SORCS2: variants seen among roughly 807,000 people sequenced by gnomAD.
SORCS2 encodes the protein VPS10 domain-containing receptor SorCS2.
A neutral mutation model predicts 141.6 loss-of-function variants in SORCS2; 100 were observed. That is an observed-to-expected ratio of 0.71 (90% CI 0.60 to 0.83). The LOEUF (loss-of-function observed/expected upper bound fraction) is 0.83. Ranked by LOEUF, SORCS2 falls within the 40% of genes least tolerant of loss-of-function variation. SORCS2 has a pLI of 0.00. For missense variants in SORCS2, 1,646 were observed against 1,560.2 expected, an observed-to-expected ratio of 1.05 and a Z score of -0.93; for synonymous variants, 789 against 676.9, an observed-to-expected ratio of 1.17 and a Z score of -2.57.
intron 1 of SORCS2, among the ~76,000 whole-genome samples, chr4:7,238,916 C>T (rs759655497): frequency 6.6e-6 from 1 of 152,208 alleles, no homozygotes; most frequent in South Asian, 2.1e-4. Flanking sequence ...CCCCCATCAC[C>T]CCTGTGCCCT....
chr4:7,332,212 G>T (rs1013234253), intron 1 of SORCS2, among the ~76,000 whole-genome samples: 1 of 152,230 alleles, frequency 6.6e-6, no homozygotes, highest in Non-Finnish European at 1.5e-5. Flanking sequence ...GATGTGGGGG[G>T]CTCTCAGCCA....
At chr4:7,486,095 C>T (rs774261604) in intron 2 of SORCS2, among the ~76,000 whole-genome samples, 21 of 152,184 alleles carry the variant, frequency 1.4e-4, no homozygotes, top group Non-Finnish European at 2.1e-4. Context: ...CAGACTGAAG[C>T]GTCCCTTTGT....
chr4:7,688,409 G>GA (rs766180974), intron 10 of SORCS2, among the ~76,000 whole-genome samples: 163 of 152,260 alleles, frequency 1.1e-3, no homozygotes, highest in Non-Finnish European at 1.9e-3. Flanking sequence ...ATTTTTAACA[G>GA]AAAAAAGTAA....
In SORCS2 at chr4:7,692,358, G is replaced by A. The variant is rs979158027; in HGVS notation, c.1591+2770G>A. Among the ~76,000 whole-genome samples, 8 of 152,324 alleles carry A rather than the reference G, an allele frequency of 5.3e-5. No individual in the cohort carries two copies. In the South Asian group the frequency reaches 1.4e-3, roughly 28 times the overall value. ...ATCCCAGAGGCAGGCAGACAAGAGG[G>A]AAAAGCCCCAGGCTCTATGCCTCCC... On this transcript the variant is annotated intron_variant, in intron 11 of 26. Transcript: ENST00000507866.
At chr4:7,685,384 C>A (rs1367899859) in intron 10 of SORCS2, among the ~76,000 whole-genome samples, 2 of 152,120 alleles carry the variant, frequency 1.3e-5, no homozygotes, top group African/African-American at 4.8e-5. Context: ...CAAATTACAG[C>A]CTCACGGGCT....
At chr4:7,347,891 G>A (rs985187941) in intron 1 of SORCS2, among the ~76,000 whole-genome samples, 3 of 152,212 alleles carry the variant, frequency 2.0e-5, no homozygotes, top group Non-Finnish European at 2.9e-5. Flanking sequence ...TACACATGAT[G>A]TAAATTTCAA....
intron 3 of SORCS2, among the ~76,000 whole-genome samples, chr4:7,632,022 G>T (rs1435741098): frequency 1.3e-5 from 2 of 152,190 alleles, no homozygotes; most frequent in African/African-American, 4.8e-5. Context: ...AGCCGTCTGT[G>T]TGATCACCCA....
intron 2 of SORCS2, among the ~76,000 whole-genome samples, chr4:7,528,025 GTCTCTGTCTCTC>G (rs931029439): frequency 7.9e-5 from 12 of 151,092 alleles, no homozygotes; most frequent in Admixed American, 2.6e-4. Context: ...TGCTCTCTCT[GTCTCTGTCTCTC>G]TCTCTGTCTC....
At chr4:7,602,157 A>G (rs1214649407) in intron 3 of SORCS2, among the ~76,000 whole-genome samples, 1 of 152,232 alleles carries the variant, frequency 6.6e-6, no homozygotes. Flanking sequence ...CATCGTCATC[A>G]TGGCCCGTTC....
rs186777476 is a variant in SORCS2 at position 7,272,363 on chromosome 4, G to A, written c.480+79237G>A. 2.4e-3 allele frequency among the ~76,000 whole-genome samples: 364 copies of A among 152,334 alleles called. 1 individual carries two copies. The highest frequency in any genetic ancestry group is 0.017 in the Middle Eastern group (5 of 294). Reference sequence around the variant, plus strand: ...CATCATTACTTTATTCACCCCTGAAGAATGGCGTTGATTATAAGCCACACT... The same window carrying A: ...CATCATTACTTTATTCACCCCTGAAAAATGGCGTTGATTATAAGCCACACT... On this transcript the variant is annotated intron_variant, in intron 1 of 26. Coordinates refer to ENST00000507866, the MANE Select transcript of SORCS2 (RefSeq NM_020777.3).
At chr4:7,411,271 C>T (rs1407452799) in intron 2 of SORCS2, among the ~76,000 whole-genome samples, 1 of 152,038 alleles carries the variant, frequency 6.6e-6, no homozygotes, top group Non-Finnish European at 1.5e-5. Context: ...TCCATCTTGA[C>T]TTTAATACCT....
intron 1 of SORCS2, among the ~76,000 whole-genome samples, chr4:7,307,983 C>G (rs1717946294): frequency 6.6e-6 from 1 of 152,008 alleles, no homozygotes; most frequent in Non-Finnish European, 1.5e-5. Context: ...GTGCGCAGGC[C>G]TGTGTGTGTG....
intron 3 of SORCS2, among the ~76,000 whole-genome samples, chr4:7,571,222 GC>G (rs567032977): frequency 1.3e-5 from 2 of 152,320 alleles, no homozygotes; most frequent in East Asian, 3.9e-4. Flanking sequence ...TCGCCCCTGG[GC>G]CAAGCCTTGT....
chr4:7,306,580 G>A (rs1168523611), intron 1 of SORCS2, among the ~76,000 whole-genome samples: 1 of 152,204 alleles, frequency 6.6e-6, no homozygotes, highest in Non-Finnish European at 1.5e-5. Flanking sequence ...AAGGAATATG[G>A]CTCTCAGGCC....
At chr4:7,300,239 T>G in intron 1 of SORCS2, among the ~76,000 whole-genome samples, 3 of 150,612 alleles carry the variant, frequency 2.0e-5, no homozygotes, top group African/African-American at 2.5e-5. Context: ...GGCCCAGGAG[T>G]GAGAGGTCTG....
intron 23 of SORCS2, 82 bp downstream of exon 23, chr4:7,729,794 C>T: frequency 6.5e-7 from 1 of 1,529,676 alleles, no homozygotes. Flanking sequence ...AGGGACGTCT[C>T]AGTGGCTCAT....
intron 1 of SORCS2, among the ~76,000 whole-genome samples, chr4:7,390,919 G>A (rs974999150): frequency 6.6e-6 from 1 of 152,194 alleles, no homozygotes; most frequent in Non-Finnish European, 1.5e-5. Context: ...CAATTGACAG[G>A]TGGAGAAACC....
At chr4:7,427,024 G>A (rs996830224) in intron 2 of SORCS2, among the ~76,000 whole-genome samples, 1 of 152,174 alleles carries the variant, frequency 6.6e-6, no homozygotes, top group African/African-American at 2.4e-5. Flanking sequence ...GTGGTGGGGG[G>A]CACAGGGAAA....
chr4:7,471,054 C>T (rs889381232), intron 2 of SORCS2, among the ~76,000 whole-genome samples: 1 of 152,106 alleles, frequency 6.6e-6, no homozygotes, highest in East Asian at 1.9e-4. Context: ...TGCGAAAACC[C>T]AAGGGAGGAG....
Sources: allele counts gnomAD v4.1 joint callset (sites outside exome capture counted in the v4.1 genomes callset), GRCh38; gene constraint gnomAD v4.1.1; transcripts MANE v1.5; gene names NCBI Gene and HGNC (gene_info 2026-07-23, HGNC 2026-07-21).